The following POFUT3 variants were observed in gnomAD, a reference collection of about 807,000 sequenced individuals.
POFUT3 encodes protein O-fucosyltransferase 3.
the POFUT3 span, among the ~76,000 whole-genome samples, chr8:33,327,434 T>C: frequency 6.6e-6 from 1 of 152,144 alleles, no homozygotes; most frequent in Non-Finnish European, 1.5e-5. Flanking sequence ...CTATCTCCAT[T>C]TCTTAGCACA....
the POFUT3 span, among the ~76,000 whole-genome samples, chr8:33,431,721 T>C: frequency 2.0e-5 from 3 of 152,150 alleles, no homozygotes; most frequent in African/African-American, 4.8e-5. Flanking sequence ...GATGATTATA[T>C]ATTCCCAAAG....
chr8:33,372,323 G>C, the POFUT3 span: 5 of 1,233,584 alleles, frequency 4.1e-6, no homozygotes, highest in Non-Finnish European at 5.1e-6. Context: ...AAGTATGTGG[G>C]TCCACAGACA....
chr8:33,407,314 C>A, the POFUT3 span, among the ~76,000 whole-genome samples: 3 of 152,160 alleles, frequency 2.0e-5, no homozygotes, highest in Admixed American at 2.0e-4. Flanking sequence ...CCTTCTAATT[C>A]AGCTGAAAAA....
chr8:33,453,675 G>A, the POFUT3 span, among the ~76,000 whole-genome samples: 2 of 152,160 alleles, frequency 1.3e-5, no homozygotes, highest in Non-Finnish European at 2.9e-5. Context: ...AGGTGCACTG[G>A]CTTATACTTG....
the POFUT3 span, among the ~76,000 whole-genome samples, chr8:33,333,966 C>G: frequency 6.6e-6 from 1 of 152,098 alleles, no homozygotes; most frequent in Admixed American, 6.5e-5. Flanking sequence ...AAGTTCTTCT[C>G]TCCTTCATTT....
the POFUT3 span, among the ~76,000 whole-genome samples, chr8:33,451,030 C>A: frequency 0.015 from 1,950 of 130,768 alleles, 46 homozygotes; most frequent in African/African-American, 0.051. Context: ...GAGAGAGGAG[C>A]AAAAAAAAAA....
the POFUT3 span, among the ~76,000 whole-genome samples, chr8:33,357,316 G>C: frequency 6.6e-6 from 1 of 151,948 alleles, no homozygotes; most frequent in African/African-American, 2.4e-5. Context: ...ATTTTAATAT[G>C]AGTGTCTATC....
chr8:33,319,422 T>G, the POFUT3 span, among the ~76,000 whole-genome samples: 2 of 68,902 alleles, frequency 2.9e-5, no homozygotes, highest in Non-Finnish European at 4.7e-5. Context: ...TATAAATATA[T>G]TATATATATA....
the POFUT3 span, among the ~76,000 whole-genome samples, chr8:33,456,770 T>TC: frequency 8.2e-6 from 1 of 122,680 alleles, no homozygotes; most frequent in African/African-American, 3.3e-5. Context: ...TTTTCTTTTT[T>TC]CTTTTTTTTT....
chr8:33,350,455 A>T, the POFUT3 span, among the ~76,000 whole-genome samples: 1 of 152,168 alleles, frequency 6.6e-6, no homozygotes, highest in African/African-American at 2.4e-5. Flanking sequence ...CCAGCTCCTG[A>T]ACTTGGTAAG....
At chr8:33,387,333 AC>A in the POFUT3 span, among the ~76,000 whole-genome samples, 1 of 152,244 alleles carries the variant, frequency 6.6e-6, no homozygotes, top group Non-Finnish European at 1.5e-5. Flanking sequence ...CTTAAAAAAT[AC>A]ATTTCAAATA....
chr8:33,446,057 A>G, the POFUT3 span, among the ~76,000 whole-genome samples: 2 of 152,048 alleles, frequency 1.3e-5, no homozygotes, highest in African/African-American at 2.4e-5. Context: ...AGGCTCCAGA[A>G]AGCAGCTGGA....
chr8:33,404,943 T>C, the POFUT3 span, among the ~76,000 whole-genome samples: 6 of 152,188 alleles, frequency 3.9e-5, no homozygotes, highest in Admixed American at 3.9e-4. Flanking sequence ...CCTGCTCTTT[T>C]TTCTATACAT....
chr8:33,385,913 C>T, the POFUT3 span, among the ~76,000 whole-genome samples: 1 of 151,844 alleles, frequency 6.6e-6, no homozygotes, highest in Admixed American at 6.6e-5. Context: ...GGTGGCTGGG[C>T]GCAGTGGCTG....
At chr8:33,366,998 C>T in the POFUT3 span, among the ~76,000 whole-genome samples, 1 of 152,068 alleles carries the variant, frequency 6.6e-6, no homozygotes, top group African/African-American at 2.4e-5. Flanking sequence ...AATCCTAGTA[C>T]TTTGGGAGGC....
chr8:33,328,476 C>A, the POFUT3 span, among the ~76,000 whole-genome samples: 1 of 152,132 alleles, frequency 6.6e-6, no homozygotes, highest in Non-Finnish European at 1.5e-5. Flanking sequence ...GCAGCTCTGC[C>A]CAGAGCTTTT....
the POFUT3 span, chr8:33,389,247 T>TG: frequency 6.2e-7 from 1 of 1,614,136 alleles, no homozygotes; most frequent in Non-Finnish European, 8.5e-7. Context: ...TCTGTGATGC[T>TG]GGGGGATCCG....
the POFUT3 span, among the ~76,000 whole-genome samples, chr8:33,409,667 A>C: frequency 6.6e-6 from 1 of 152,142 alleles, no homozygotes; most frequent in Non-Finnish European, 1.5e-5. Flanking sequence ...GCACTTTGGG[A>C]AGCCAAGGTA....
chr8:33,357,559 T>C, the POFUT3 span, among the ~76,000 whole-genome samples: 2 of 151,804 alleles, frequency 1.3e-5, no homozygotes, highest in Non-Finnish European at 2.9e-5. Context: ...TATATACATA[T>C]ATATGTGTAT....
Sources: gnomAD v4.1 joint callset for allele counts (sites outside exome capture counted in the v4.1 genomes callset) on GRCh38, gnomAD v4.1.1 for gene constraint, MANE v1.5 for transcripts, NCBI Gene and HGNC (gene_info 2026-07-23, HGNC 2026-07-21) for gene names.